SMARCA4: variants seen among roughly 807,000 people sequenced by gnomAD.
The protein encoded by SMARCA4 is SWI/SNF related BAF chromatin remodeling complex subunit ATPase 4.
A neutral mutation model predicts 193.9 loss-of-function variants in SMARCA4; 31 were observed. The observed-to-expected ratio is 0.16, with a 90% CI of 0.12 to 0.22. The LOEUF is 0.22. Among genes scored for constraint, SMARCA4 ranks in the 10% least tolerant of loss-of-function variants. The pLI is 1.00. For synonymous variants in SMARCA4, 942 were observed against 933.1 expected (o/e 1.01, Z -0.17); for missense variants, 1,148 against 2,296.0 (o/e 0.50, Z 10.22).
At chr19:11,043,825 T>C (rs2075753086) in intron 30 of SMARCA4, among the ~76,000 whole-genome samples, 1 of 151,894 alleles carries the variant, frequency 6.6e-6, no homozygotes, top group Non-Finnish European at 1.5e-5. Context: ...AATACAAAAA[T>C]AGAAATTAAA....
intron 21 of SMARCA4, among the ~76,000 whole-genome samples, chr19:11,024,663 T>G (rs1319811590): frequency 6.6e-6 from 1 of 152,144 alleles, no homozygotes; most frequent in African/African-American, 2.4e-5. Flanking sequence ...CTTCTGCAAT[T>G]GGCAGCCTGG....
chr19:11,045,042 C>T lies in SMARCA4; in HGVS notation c.4424+3482C>T, dbSNP rs574946282. ...CAGACACTAAAAAGGGCATACTGGC[C>T]GGGCACGGTGGCTCACGCCTGTAAT... On this transcript the variant is annotated intron_variant, in intron 30 of 34. Coordinates refer to ENST00000344626, the MANE Select transcript of SMARCA4 (RefSeq NM_003072.5). Among the ~76,000 whole-genome samples the T allele has an allele frequency of 1.1e-3, 168 of 152,322 alleles. 4 individuals are homozygous for T. Among genetic ancestry groups the T allele is most frequent in the South Asian group, 8.5e-3 (41 of 4,832 alleles).
chr19:11,058,799 C>G lies in SMARCA4; in HGVS notation c.4545C>G (p.Arg1515=), dbSNP rs1600635214. ...CCCGTCCACTGCAGGAGCGCATTCG[C>G]AACCACAAGTACCGCAGCCTCAACG... ...VDFKKIKERI[R]NHKYRSLNDL... The change falls in exon 32 of 35, where the codon CGC becomes CGG. Residue 1515 remains arginine (R), a synonymous_variant. Transcript: ENST00000344626. This position sits in a 1 kb window ranked among gnomAD's most constrained non-coding sequence, Gnocchi z 5.8. 6.2e-7 allele frequency: 1 copy of G among 1,614,122 alleles called. No homozygotes were observed. The highest frequency in any genetic ancestry group is 1.1e-5 in the South Asian group (1 of 91,084).
intron 1 of SMARCA4, among the ~76,000 whole-genome samples, chr19:10,974,685 ATATATTTTTTTTTTTTTTTTTTTT>A (rs1217201424): frequency 1.8e-4 from 9 of 48,726 alleles, no homozygotes; most frequent in African/African-American, 7.3e-4. Flanking sequence ...ATATATATAT[ATATATTTTTTTTTTTTTTTTTTTT>A]TTTTTTTTTT....
In SMARCA4 at chr19:10,987,165, G is replaced by A. The variant is rs543465001; in HGVS notation, c.859+162G>A. 1.3e-5 allele frequency among the ~76,000 whole-genome samples: 2 copies of A among 152,326 alleles called. No individual in the cohort carries two copies. Among genetic ancestry groups the A allele is most frequent in the East Asian group, 3.9e-4 (2 of 5,180 alleles). Reference sequence around the variant, plus strand: ...GGTCCCCGGGTCTCCCCTGTAGCCAGTCAGTTCCCAAAGGCTGTCGTTCAT... The same window carrying A: ...GGTCCCCGGGTCTCCCCTGTAGCCAATCAGTTCCCAAAGGCTGTCGTTCAT... On this transcript the variant is annotated intron_variant, in intron 5 of 34. Transcript: ENST00000344626. This position sits in a 1 kb window ranked among gnomAD's most constrained non-coding sequence, Gnocchi z 5.3.
chr19:10,988,954 A>G (rs1485135138), intron 6 of SMARCA4, among the ~76,000 whole-genome samples: 1 of 152,178 alleles, frequency 6.6e-6, no homozygotes, highest in Non-Finnish European at 1.5e-5. Context: ...CTCAGTTTTG[A>G]GGTGAGAATG....
intron 1 of SMARCA4, among the ~76,000 whole-genome samples, chr19:10,982,645 G>A (rs576376284): frequency 2.0e-5 from 3 of 151,926 alleles, no homozygotes; most frequent in East Asian, 3.9e-4. Flanking sequence ...GACTACAGGT[G>A]CCTGCCACCA....
chr19:11,012,623 GT>G, intron 15 of SMARCA4: 2 of 394,100 alleles, frequency 5.1e-6, no homozygotes, highest in Non-Finnish European at 4.9e-6. Context: ...GTGTGGGCAG[GT>G]TTTTCCTGTG....
Position 10,987,475 on chromosome 19 carries a change from C to T in SMARCA4, c.860-191C>T, listed in dbSNP as rs371520551. On this transcript the variant is annotated intron_variant, in intron 5 of 34. Transcript: ENST00000344626. The surrounding 1 kb of genome is among the most constrained non-coding windows in gnomAD (Gnocchi z 5.3). The stretch of plus-strand genomic sequence containing the variant: ...TGGCCCCAGTGGAGGGTGTGAAGGA[C>T]GAGGGTGAGGCTGAGATCTGGAGGA... Among the ~76,000 whole-genome samples the T allele has an allele frequency of 1.1e-3, 164 of 152,212 alleles. 2 individuals are homozygous for T. The South Asian group carries it at 0.032, about 30-fold the overall frequency.
chr19:11,003,246 T>TGAAG, intron 12 of SMARCA4, 87 bp downstream of exon 12: 3 of 1,607,470 alleles, frequency 1.9e-6, no homozygotes, highest in Non-Finnish European at 2.6e-6. Context: ...AGGAGCAATT[T>TGAAG]TACTTCTGTT....
chr19:11,015,522 C>T (rs989385189), intron 16 of SMARCA4, among the ~76,000 whole-genome samples: 3 of 152,150 alleles, frequency 2.0e-5, no homozygotes, highest in African/African-American at 4.8e-5. Context: ...CTTGGTGTCT[C>T]GGGCAAGGTG....
chr19:10,972,148 G>A (rs1241508378), intron 1 of SMARCA4, among the ~76,000 whole-genome samples: 1 of 151,992 alleles, frequency 6.6e-6, no homozygotes, highest in Non-Finnish European at 1.5e-5. Context: ...TAGTAGAGAT[G>A]AGTTTTAACC....
At chr19:11,028,769 T>C (rs1034172439) in intron 24 of SMARCA4, among the ~76,000 whole-genome samples, 1 of 152,178 alleles carries the variant, frequency 6.6e-6, no homozygotes, top group African/African-American at 2.4e-5. Context: ...TCCCAGTGGG[T>C]CAGGGAGCCC....
At position 10,965,609 on chromosome 19, in the gene SMARCA4, G is replaced by A. The variant is rs140617566; in HGVS notation, c.-32+4435G>A. ...ATTTTGTGGTTGCGTGAAGATGATA[G>A]AGTGTGCTTACACACGTCTAGATGG... On this transcript the variant is annotated intron_variant, in intron 1 of 34. Transcript: ENST00000344626. Among the ~76,000 whole-genome samples the A allele has an allele frequency of 1.8e-3, 272 of 152,308 alleles. 3 individuals are homozygous for A. The Middle Eastern group carries it at 0.027, about 15-fold the overall frequency.
intron 34 of SMARCA4, among the ~76,000 whole-genome samples, chr19:11,061,207 ATATATATATATAT>A (rs1568568981): frequency 2.2e-3 from 84 of 37,896 alleles, no homozygotes; most frequent in African/African-American, 9.4e-3. Flanking sequence ...AAAAAAAAAT[ATATATATATATAT>A]ATATATATAT....
intron 7 of SMARCA4, 36 bp downstream of exon 7, chr19:10,989,479 G>C (rs2145851925): frequency 6.2e-7 from 1 of 1,611,966 alleles, no homozygotes; most frequent in Non-Finnish European, 8.5e-7. Flanking sequence ...TCCGAAAAGG[G>C]CCTTTGTCAC....
At chr19:11,042,730 T>A (rs528908080) in intron 30 of SMARCA4, among the ~76,000 whole-genome samples, 1 of 152,340 alleles carries the variant, frequency 6.6e-6, no homozygotes, top group East Asian at 1.9e-4. Flanking sequence ...TCCACACCTG[T>A]CAGCCCAGCA....
chr19:11,021,931 G>A lies in SMARCA4; in HGVS notation c.2823G>A (p.Gln941=), dbSNP rs1600279486. ...TCAAGAGCTGCAGCACCTTCGAGCA[G>A]TGGTTTAACGCACCCTTTGCCATGA... ...TIFKSCSTFE[Q]WFNAPFAMTG... The change falls in exon 19 of 35, where the codon CAG becomes CAA. Residue 941 remains glutamine, a synonymous_variant. Coordinates refer to ENST00000344626, the MANE Select transcript of SMARCA4 (RefSeq NM_003072.5). 5 of 1,613,172 alleles carry A rather than the reference G, an allele frequency of 3.1e-6. No homozygotes were observed. The highest frequency in any genetic ancestry group is 4.2e-6 in the Non-Finnish European group (5 of 1,180,016).
intron 1 of SMARCA4, among the ~76,000 whole-genome samples, chr19:10,967,805 C>T (rs1375220245): frequency 1.3e-5 from 2 of 151,776 alleles, no homozygotes; most frequent in East Asian, 3.9e-4. Context: ...CTACCTCAGC[C>T]TCCTGAGTAG....
Sources: allele counts gnomAD v4.1 joint callset (sites outside exome capture counted in the v4.1 genomes callset), GRCh38; gene constraint gnomAD v4.1.1; non-coding constraint Gnocchi (gnomAD v3.1); transcripts MANE v1.5; gene names NCBI Gene and HGNC (gene_info 2026-07-23, HGNC 2026-07-21).